PCDHA8: variants seen among roughly 807,000 people sequenced by gnomAD.
The protein encoded by PCDHA8 is protocadherin alpha 8, also known as protocadherin alpha-8.
In PCDHA8, 53 loss-of-function variants were observed where a neutral mutation model predicts 61.8. The observed-to-expected ratio is 0.86, with a 90% CI of 0.69 to 1.08. The LOEUF is 1.08. PCDHA8 is among the 50% of genes least tolerant of loss of function. The probability of loss-of-function intolerance (pLI) is 0.00; values close to 1 mark genes in which losing one functional copy is unlikely to be tolerated. For missense variants in PCDHA8, 1,293 were observed against 1,245.0 expected, an observed-to-expected ratio of 1.04 and a Z score of -0.58; for synonymous variants, 618 against 556.6, an observed-to-expected ratio of 1.11 and a Z score of -1.55.
chr5:140,971,500 TAGG>T (rs2096483491), intron 1 of PCDHA8, among the ~76,000 whole-genome samples: 2 of 152,136 alleles, frequency 1.3e-5, no homozygotes, highest in Admixed American at 1.3e-4. Flanking sequence ...TGTGGCAAGA[TAGG>T]AGCAAAAGCC....
At chr5:140,884,581 C>A in intron 1 of PCDHA8, 1 of 1,614,184 alleles carries the variant, frequency 6.2e-7, no homozygotes, top group African/African-American at 1.3e-5. Context: ...ACCTCATGGC[C>A]TTCAGTCCCA....
At chr5:140,875,342 A>T in intron 1 of PCDHA8, 1 of 1,443,152 alleles carries the variant, frequency 6.9e-7, no homozygotes, top group Non-Finnish European at 9.1e-7. Flanking sequence ...GATCGACTCC[A>T]TAATGACTGT....
At chr5:140,857,661 A>ACTC (rs1554150470) in intron 1 of PCDHA8, 1 of 1,596,582 alleles carries the variant, frequency 6.3e-7, no homozygotes. Flanking sequence ...AGCGCGCGCG[A>ACTC]TGGGGGCGTG....
At position 140,850,659 on chromosome 5, in the gene PCDHA8, C is replaced by T. The variant is rs2150492526; in HGVS notation, c.2394+6944C>T. On this transcript the variant is annotated intron_variant, in intron 1 of 3. Coordinates refer to ENST00000531613, the MANE Select transcript of PCDHA8 (RefSeq NM_018911.3). ...CACGCTGCTGCTGTACACTGTGCTG[C>T]GGTGCTCGGCGATGCCCACCGAGGG... is the stretch of plus-strand genomic sequence containing the variant. 2.2e-5 allele frequency: 35 copies of T among 1,598,248 alleles called. No homozygotes were observed. The South Asian group carries it at 3.1e-4, about 14-fold the overall frequency.
At position 140,876,234 on chromosome 5, in the gene PCDHA8, T is replaced by C. The variant is rs1260556049; in HGVS notation, c.2394+32519T>C. 4 of 1,613,902 alleles carry C rather than the reference T, an allele frequency of 2.5e-6. No individual in the cohort carries two copies. In the South Asian group the frequency reaches 3.3e-5, roughly 13 times the overall value. On this transcript the variant is annotated intron_variant, in intron 1 of 3. Transcript: ENST00000531613. ...GCTATAAAGTAGTGTTGTCTGAAAA[T>C]GTCCAAAACGACACAAGAGTGATCC...
intron 1 of PCDHA8, chr5:140,860,531 T>C (rs1488177116): frequency 1.3e-5 from 2 of 152,156 alleles, no homozygotes; most frequent in Non-Finnish European, 2.9e-5. Flanking sequence ...AATTCTGATT[T>C]GTAAGACAAA....
chr5:140,916,165 G>A (rs567070534), intron 1 of PCDHA8, among the ~76,000 whole-genome samples: 1 of 152,224 alleles, frequency 6.6e-6, no homozygotes, highest in East Asian at 1.9e-4. Context: ...AATGCTGCCA[G>A]GCCTGGGACT....
rs2150477113 is a variant in PCDHA8, at chr5:140,850,276, T to G, written c.2394+6561T>G. 19 of 1,594,568 alleles carry G rather than the reference T, an allele frequency of 1.2e-5. 1 individual carries two copies. The highest frequency in any genetic ancestry group is 1.5e-5 in the Non-Finnish European group (18 of 1,167,356). ...GGCGCCGGCGTAGTGGTGGGGAAGG[T>G]GCGCGCAGTGGACGCCGACTCGGGC... is the stretch of plus-strand genomic sequence containing the variant. On this transcript the variant is annotated intron_variant, in intron 1 of 3. Coordinates refer to ENST00000531613, the MANE Select transcript of PCDHA8 (RefSeq NM_018911.3).
chr5:140,932,966 G>C (rs2088764912), intron 1 of PCDHA8, among the ~76,000 whole-genome samples: 1 of 151,942 alleles, frequency 6.6e-6, no homozygotes, highest in South Asian at 2.1e-4. Context: ...TTGCTGAAAG[G>C]TTTTTACAAT....
At chr5:140,848,733 C>T (rs2150418952) in intron 1 of PCDHA8, 1 of 1,592,812 alleles carries the variant, frequency 6.3e-7, no homozygotes, top group East Asian at 2.2e-5. Context: ...GGTAAATCTG[C>T]AGAATGGCAT....
intron 1 of PCDHA8, chr5:140,851,739 C>T: frequency 1.0e-6 from 1 of 971,880 alleles, no homozygotes; most frequent in Non-Finnish European, 1.2e-6. Context: ...TTTTGAAATT[C>T]AGAGTCTGTA....
intron 1 of PCDHA8, among the ~76,000 whole-genome samples, chr5:140,946,468 C>T (rs1249840749): frequency 1.3e-5 from 2 of 151,720 alleles, no homozygotes; most frequent in Non-Finnish European, 2.9e-5. Flanking sequence ...AATCCCACTA[C>T]TGGGTATATA....
intron 1 of PCDHA8, chr5:140,870,038 A>G (rs1268813918): frequency 8.1e-6 from 13 of 1,613,620 alleles, no homozygotes; most frequent in Non-Finnish European, 1.1e-5. Flanking sequence ...TATGAAGAAA[A>G]CAAGTTTTAT....
intron 1 of PCDHA8, chr5:140,862,740 G>T (rs1302893031): frequency 8.7e-6 from 5 of 577,654 alleles, no homozygotes; most frequent in Non-Finnish European, 1.7e-5. Flanking sequence ...GCTATGTGTG[G>T]GTGCACGCGG....
chr5:140,872,381 A>G (rs1211312378), intron 1 of PCDHA8, among the ~76,000 whole-genome samples: 2 of 152,058 alleles, frequency 1.3e-5, no homozygotes, highest in Non-Finnish European at 2.9e-5. Context: ...AATCCCAGCT[A>G]TTTGGGAGGC....
chr5:140,841,441 A>G lies in PCDHA8; in HGVS notation c.120A>G (p.Lys40=). 1.2e-6 allele frequency: 2 copies of G among 1,612,978 alleles called. No homozygotes were observed. The highest frequency in any genetic ancestry group is 1.7e-6 in the Non-Finnish European group (2 of 1,179,864). The change falls in exon 1 of 4, where the codon AAA becomes AAG. Residue 40 remains lysine, a synonymous_variant. Coordinates refer to ENST00000531613, the MANE Select transcript of PCDHA8 (RefSeq NM_018911.3). ...ACTACTCCGTCCCCGAGGAGGCCAAACACGGCACCTTCGTGGGCCGGATCG... is the reference window on the plus strand; with the variant it reads ...ACTACTCCGTCCCCGAGGAGGCCAAGCACGGCACCTTCGTGGGCCGGATCG... The part of the protein sequence containing the change: ...QLHYSVPEEA[K]HGTFVGRIAQ...
chr5:140,916,840 C>G (rs1350788875), intron 1 of PCDHA8, among the ~76,000 whole-genome samples: 1 of 152,128 alleles, frequency 6.6e-6, no homozygotes, highest in African/African-American at 2.4e-5. Context: ...TGGTTCTGAG[C>G]CCAGCCCAGC....
chr5:140,842,812 G>A lies in PCDHA8; in HGVS notation c.1491G>A (p.Arg497=). The A allele has an allele frequency of 6.3e-7, 1 of 1,594,038 alleles. No homozygotes were observed. The highest frequency in any genetic ancestry group is 8.6e-7 in the Non-Finnish European group (1 of 1,165,376). Residue 497 remains arginine, a synonymous_variant, in exon 1 of 4, where the codon CGG becomes CGA. Transcript: ENST00000531613. ...NALVSYSLVE[R]RVGERSLSSY... ...TGGTGTCCTACTCGCTTGTGGAGCG[G>A]CGGGTGGGCGAGCGCTCGCTGTCGA...
At chr5:140,927,130 C>T (rs1554204065) in intron 1 of PCDHA8, 6 of 1,614,032 alleles carry the variant, frequency 3.7e-6, no homozygotes, top group African/African-American at 1.3e-5. Flanking sequence ...GGTCAGAGAG[C>T]CGGCGGACCG....
Sources: allele counts gnomAD v4.1 joint callset (sites outside exome capture counted in the v4.1 genomes callset), GRCh38; gene constraint gnomAD v4.1.1; transcripts MANE v1.5; gene names NCBI Gene and HGNC (gene_info 2026-07-23, HGNC 2026-07-21).